PTPRC: variants seen among roughly 807,000 people sequenced by gnomAD.
PTPRC encodes the protein protein tyrosine phosphatase receptor type C.
PTPRC carries 44 observed loss-of-function variants against 155.9 expected under a neutral mutation model. The ratio of observed to expected loss-of-function variants is 0.28; its 90% CI spans 0.22 to 0.36. The LOEUF is 0.36. Ranked by LOEUF, PTPRC falls within the 10% of genes least tolerant of loss-of-function variation. PTPRC has a pLI of 1.00. For synonymous variants in PTPRC, 525 were observed against 533.1 expected (o/e 0.98, Z 0.21); for missense variants, 1,401 against 1,564.6 (o/e 0.90, Z 1.76).
chr1:198,710,940 T>C (rs2102422493), intron 11 of PTPRC, among the ~76,000 whole-genome samples: 1 of 152,302 alleles, frequency 6.6e-6, no homozygotes, highest in East Asian at 1.9e-4. Flanking sequence ...CTGCAACCTC[T>C]GACTCCTGGG....
intron 29 of PTPRC, 106 bp from the exon 30 acceptor site, chr1:198,752,143 A>C: frequency 7.7e-7 from 1 of 1,293,074 alleles, no homozygotes; most frequent in Non-Finnish European, 1.1e-6. Flanking sequence ...ATTTTCATTT[A>C]ATAGAAAAGA....
chr1:198,642,358 A>ATCTATCTG (rs752525317), intron 2 of PTPRC, among the ~76,000 whole-genome samples: 11 of 48,732 alleles, frequency 2.3e-4, no homozygotes, highest in Non-Finnish European at 3.5e-4. Context: ...ATACTAGTCA[A>ATCTATCTG]TCTATCTATC....
At chr1:198,704,412 G>T in intron 7 of PTPRC, 60 bp from the exon 8 acceptor site, 6 of 1,610,920 alleles carry the variant, frequency 3.7e-6, no homozygotes, top group Non-Finnish European at 5.1e-6. Context: ...TCCCAAAAAT[G>T]ACATGGCAGA....
intron 32 of PTPRC, among the ~76,000 whole-genome samples, chr1:198,755,205 A>T (rs983819467): frequency 6.6e-6 from 1 of 152,120 alleles, no homozygotes; most frequent in African/African-American, 2.4e-5. Flanking sequence ...AGAAATGTGG[A>T]TACAGGAAGG....
chr1:198,639,573 G>T (rs1424374432), intron 2 of PTPRC, among the ~76,000 whole-genome samples: 2 of 151,926 alleles, frequency 1.3e-5, no homozygotes, highest in Non-Finnish European at 2.9e-5. Context: ...TAAAAGGAAA[G>T]CAATGTCTAT....
rs373431797 is a variant in PTPRC at position 198,750,383 on chromosome 1, A to G, written c.3073-109A>G. 7.2e-6 allele frequency: 8 copies of G among 1,117,224 alleles called. No homozygotes were observed. The African/African-American group carries it at 1.1e-4, about 15-fold the overall frequency. The allele number at this position is 1,117,224 out of a possible 1,614,324, so 69.2% of individuals were successfully genotyped here. On this transcript the variant is annotated intron_variant, in intron 28 of 32. Transcript: ENST00000442510. ...GAAACATAAGAATATTACTATTTGT[A>G]TGTAACAGCATTGATATCAAACTGA...
At chr1:198,680,084 C>A in intron 2 of PTPRC, 2 of 442,138 alleles carry the variant, frequency 4.5e-6, no homozygotes, top group South Asian at 8.0e-5. Context: ...TGCCACTAGG[C>A]AAGGCGCAGG....
In PTPRC at chr1:198,722,451, C is replaced by T. The variant is rs771492646; in HGVS notation, c.1695C>T (p.Pro565=). ...YFHNGDYPGE[P]FILHHSTSYN... ...ACAATGGAGACTATCCTGGAGAACC[C>T]TTTATTTTACATCATTCAACATCTT... The change falls in exon 15 of 33, where the codon CCC becomes CCT. Residue 565 remains proline, a synonymous_variant. Coordinates refer to ENST00000442510, the MANE Select transcript of PTPRC (RefSeq NM_002838.5). 16 of 1,471,568 alleles carry T rather than the reference C, an allele frequency of 1.1e-5. No individual in the cohort carries two copies. The highest frequency in any genetic ancestry group is 1.3e-5 in the Non-Finnish European group (14 of 1,104,236). The allele number at this position is 1,471,568 out of a possible 1,614,324, so 91.2% of individuals were successfully genotyped here. A position where few individuals can be genotyped will look rare whatever the true frequency, so the allele number is the denominator to read the frequency against.
intron 2 of PTPRC, among the ~76,000 whole-genome samples, chr1:198,680,728 G>C (rs932414817): frequency 6.6e-6 from 1 of 152,018 alleles, no homozygotes; most frequent in African/African-American, 2.4e-5. Context: ...ACCTGGACCA[G>C]GGTAAAGGCA....
At chr1:198,667,471 C>T (rs532262718) in intron 2 of PTPRC, among the ~76,000 whole-genome samples, 4 of 152,158 alleles carry the variant, frequency 2.6e-5, no homozygotes, top group Admixed American at 2.0e-4. Flanking sequence ...TAATTTTCCT[C>T]AGATGGGAAT....
At chr1:198,661,598 A>G (rs1663969608) in intron 2 of PTPRC, among the ~76,000 whole-genome samples, 1 of 151,982 alleles carries the variant, frequency 6.6e-6, no homozygotes, top group South Asian at 2.1e-4. Flanking sequence ...TAGTACTGTT[A>G]GGTAAATAAT....
At chr1:198,677,272 T>A (rs1372070819) in intron 2 of PTPRC, among the ~76,000 whole-genome samples, 1 of 152,214 alleles carries the variant, frequency 6.6e-6, no homozygotes, top group African/African-American at 2.4e-5. Flanking sequence ...GAAAGCTCTA[T>A]AATAATTCCT....
At chr1:198,714,630 C>T (rs560161703) in intron 12 of PTPRC, among the ~76,000 whole-genome samples, 1 of 152,202 alleles carries the variant, frequency 6.6e-6, no homozygotes, top group Non-Finnish European at 1.5e-5. Context: ...TTGGAGCCAG[C>T]TCTACTCTAA....
intron 2 of PTPRC, among the ~76,000 whole-genome samples, chr1:198,677,699 A>G (rs1206750911): frequency 2.0e-5 from 3 of 151,984 alleles, no homozygotes; most frequent in African/African-American, 7.3e-5. Flanking sequence ...GTGGATTCAA[A>G]TTTTTCTCAG....
At chr1:198,709,566 T>C (rs1240723816) in intron 10 of PTPRC, 121 bp from the exon 11 acceptor site, 1 of 881,802 alleles carries the variant, frequency 1.1e-6, no homozygotes, top group African/African-American at 1.8e-5. Context: ...TTTTGGTAAT[T>C]TCCACAGATG....
At chr1:198,755,241 C>T (rs937504993) in intron 32 of PTPRC, among the ~76,000 whole-genome samples, 10 of 152,046 alleles carry the variant, frequency 6.6e-5, no homozygotes, top group African/African-American at 1.7e-4. Context: ...TTCTTGTAAT[C>T]GATCTATCGT....
intron 2 of PTPRC, among the ~76,000 whole-genome samples, chr1:198,642,338 T>C (rs1307375169): frequency 1.4e-5 from 2 of 144,338 alleles, no homozygotes. Context: ...TATATATTTG[T>C]GGGTTATATA....
intron 20 of PTPRC, among the ~76,000 whole-genome samples, chr1:198,733,311 T>G (rs2102487982): frequency 6.6e-6 from 1 of 151,838 alleles, no homozygotes; most frequent in Admixed American, 6.6e-5. Flanking sequence ...ATCAGGTTAC[T>G]TATGTTTCCC....
At position 198,749,562 on chromosome 1, in the gene PTPRC, A is replaced by C; in HGVS notation, c.3072+13A>C. On this transcript the variant is annotated intron_variant, in intron 28 of 32. Coordinates refer to ENST00000442510, the MANE Select transcript of PTPRC (RefSeq NM_002838.5). Reference sequence around the variant, plus strand: ...ATCTTTTATAATGGTAGGTACTTAAATTGCCAAAACCCAAGATCCAAACAT... The same window carrying C: ...ATCTTTTATAATGGTAGGTACTTAACTTGCCAAAACCCAAGATCCAAACAT... 1 of 1,609,586 alleles carries C rather than the reference A, an allele frequency of 6.2e-7. No homozygotes were observed.
Sources: gnomAD v4.1 joint callset for allele counts (sites outside exome capture counted in the v4.1 genomes callset) on GRCh38, gnomAD v4.1.1 for gene constraint, MANE v1.5 for transcripts, NCBI Gene and HGNC (gene_info 2026-07-23, HGNC 2026-07-21) for gene names.